The following RPGRIP1L variants were observed in gnomAD, a reference collection of about 807,000 sequenced individuals.
RPGRIP1L encodes RPGRIP1 like, also known as protein fantom.
In RPGRIP1L, 131 loss-of-function variants were observed where a neutral mutation model predicts 160.4. That is an observed-to-expected ratio of 0.82 (90% CI 0.71 to 0.94). The LOEUF is 0.94. Ranked by LOEUF, RPGRIP1L falls within the 40% of genes least tolerant of loss-of-function variation. The pLI, the probability that RPGRIP1L is intolerant of heterozygous loss-of-function variation, is 0.00. For synonymous variants in RPGRIP1L, 510 were observed against 515.8 expected (o/e 0.99, Z 0.15); for missense variants, 1,522 against 1,535.8 (o/e 0.99, Z 0.15).
rs1963408693 is a variant in RPGRIP1L, at chr16:53,602,158, A to G, written c.3866T>C (p.Ile1289Thr). 1 of 1,613,858 alleles carries G rather than the reference A, an allele frequency of 6.2e-7. No homozygotes were observed. The highest frequency in any genetic ancestry group is 8.5e-7 in the Non-Finnish European group (1 of 1,179,752). ...VFDARADGEGIGKLRVTVEAL... is the reference protein window; with the variant it reads ...VFDARADGEGTGKLRVTVEAL... ...TTCGACTGTTACCCTGAGCTTGCCAATACCTTCACCATCTGCTCGTGCATC... is the reference window on the plus strand; with the variant it reads ...TTCGACTGTTACCCTGAGCTTGCCAGTACCTTCACCATCTGCTCGTGCATC... The change falls in exon 27 of 27, where the codon ATT becomes ACT. Residue 1289 changes from isoleucine (I) to threonine (T), a missense_variant. Ile to Thr is a moderately conservative substitution (Grantham distance 89, BLOSUM62 -1). Transcript: ENST00000647211.
chr16:53,658,189 T>C (rs997757949), intron 12 of RPGRIP1L, among the ~76,000 whole-genome samples: 13 of 152,168 alleles, frequency 8.5e-5, no homozygotes, highest in Non-Finnish European at 1.9e-4. Flanking sequence ...GTAACTTTGA[T>C]GTCATTATGA....
chr16:53,653,314 C>T, intron 14 of RPGRIP1L: 1 of 1,140,614 alleles, frequency 8.8e-7, no homozygotes, highest in Non-Finnish European at 1.1e-6. Context: ...TTCCCTGTCT[C>T]TGCTCCACCC....
At chr16:53,606,512 G>T (rs1160282882) in intron 25 of RPGRIP1L, among the ~76,000 whole-genome samples, 1 of 152,130 alleles carries the variant, frequency 6.6e-6, no homozygotes, top group Non-Finnish European at 1.5e-5. Flanking sequence ...AATGCTTATA[G>T]GTAAACATGA....
chr16:53,604,434 A>G (rs573786781), intron 26 of RPGRIP1L, among the ~76,000 whole-genome samples: 1 of 152,364 alleles, frequency 6.6e-6, no homozygotes, highest in African/African-American at 2.4e-5. Flanking sequence ...TAACTTAACA[A>G]ATGGGACTAG....
At chr16:53,657,781 A>G in intron 12 of RPGRIP1L, 149 bp from the exon 13 acceptor site, 2 of 581,544 alleles carry the variant, frequency 3.4e-6, no homozygotes, top group Non-Finnish European at 6.0e-6. Flanking sequence ...CCTGATATAT[A>G]TATCAGGACT....
Position 53,602,182 on chromosome 16 carries a change from T to A in RPGRIP1L, c.3842A>T (p.Asp1281Val). ...DLIEQNIDVF[D>V]ARADGEGIGK... ...AATACCTTCACCATCTGCTCGTGCATCAAAAACTAGGGAGAAAAGAGCAGG... is the reference window on the plus strand; with the variant it reads ...AATACCTTCACCATCTGCTCGTGCAACAAAAACTAGGGAGAAAAGAGCAGG... Residue 1281 changes from aspartate (D) to valine (V), a missense_variant, in exon 27 of 27, where the codon GAT becomes GTT. Physicochemically the swap from Asp to Val is radical, Grantham distance 152. Transcript: ENST00000647211. 3.1e-6 allele frequency: 5 copies of A among 1,610,566 alleles called. No homozygotes were observed. The highest frequency in any genetic ancestry group is 2.2e-5 in the South Asian group (2 of 90,950).
intron 15 of RPGRIP1L, among the ~76,000 whole-genome samples, chr16:53,651,694 C>T (rs1304561885): frequency 6.6e-6 from 1 of 152,054 alleles, no homozygotes; most frequent in Non-Finnish European, 1.5e-5. Context: ...TGCAACCTGC[C>T]ATTTCTCCCT....
At chr16:53,666,487 GAACA>G (rs1285875197) in intron 9 of RPGRIP1L, among the ~76,000 whole-genome samples, 10 of 150,920 alleles carry the variant, frequency 6.6e-5, no homozygotes, top group East Asian at 1.9e-4. Flanking sequence ...TTAAAATAAA[GAACA>G]AATATAATTT....
chr16:53,698,248 G>T (rs1388918490), intron 2 of RPGRIP1L, among the ~76,000 whole-genome samples: 18 of 151,588 alleles, frequency 1.2e-4, no homozygotes, highest in African/African-American at 4.1e-4. Context: ...CCGCCCGGCA[G>T]CCGACCCGTC....
At position 53,656,458 on chromosome 16, in the gene RPGRIP1L, C is replaced by A. The variant is rs188075133; in HGVS notation, c.1699+14G>T. The A allele has an allele frequency of 3.7e-5, 57 of 1,538,340 alleles. 1 individual carries two copies. The Admixed American group carries it at 4.0e-4, about 11-fold the overall frequency. On this transcript the variant is annotated intron_variant, in intron 14 of 26. Transcript: ENST00000647211. The stretch of plus-strand genomic sequence containing the variant: ...CTCTAGTTACTGTGGACCAAAAAAT[C>A]GTATATGTTGTACCTTCTAGTTTAT...
At chr16:53,675,145 A>G in intron 6 of RPGRIP1L, 23 bp from the exon 7 acceptor site, 1 of 1,545,904 alleles carries the variant, frequency 6.5e-7, no homozygotes, top group South Asian at 1.1e-5. Context: ...GTTTAAGAAA[A>G]AGAGAGACAG....
intron 16 of RPGRIP1L, among the ~76,000 whole-genome samples, chr16:53,647,971 G>A (rs1966673860): frequency 6.6e-6 from 1 of 151,898 alleles, no homozygotes; most frequent in South Asian, 2.1e-4. Context: ...CGGCTGTAGT[G>A]GCAGGTGCCT....
intron 9 of RPGRIP1L, among the ~76,000 whole-genome samples, chr16:53,668,646 G>A (rs1228722602): frequency 6.6e-6 from 1 of 152,110 alleles, no homozygotes; most frequent in Non-Finnish European, 1.5e-5. Flanking sequence ...GCATTTATCA[G>A]TTACATGGCC....
chr16:53,633,512 G>A (rs1965650253), intron 22 of RPGRIP1L, among the ~76,000 whole-genome samples: 1 of 152,180 alleles, frequency 6.6e-6, no homozygotes, highest in Non-Finnish European at 1.5e-5. Context: ...AAAACGAAAT[G>A]CAATGTGTGA....
chr16:53,659,241 GA>G (rs1208584427), intron 10 of RPGRIP1L: 34 of 941,648 alleles, frequency 3.6e-5, no homozygotes, highest in East Asian at 1.1e-4. Flanking sequence ...AAAGCATGTG[GA>G]AAAAAAATTG....
chr16:53,614,550 C>A (rs1047133022), intron 24 of RPGRIP1L, among the ~76,000 whole-genome samples: 5 of 152,092 alleles, frequency 3.3e-5, no homozygotes, highest in African/African-American at 1.2e-4. Flanking sequence ...GGATCAGGAG[C>A]TAGTGAACAC....
At chr16:53,682,497 A>G (rs1219517718) in intron 6 of RPGRIP1L, among the ~76,000 whole-genome samples, 1 of 152,134 alleles carries the variant, frequency 6.6e-6, no homozygotes, top group Non-Finnish European at 1.5e-5. Context: ...TTTCCCTTTC[A>G]GTTAACACTA....
At chr16:53,655,906 C>T (rs771489846) in intron 14 of RPGRIP1L, among the ~76,000 whole-genome samples, 12 of 152,056 alleles carry the variant, frequency 7.9e-5, no homozygotes, top group Admixed American at 2.6e-4. Context: ...AGCAGGGAAG[C>T]GTGTATCTTG....
intron 17 of RPGRIP1L, 104 bp from the exon 18 acceptor site, chr16:53,641,579 C>T: frequency 2.9e-6 from 3 of 1,044,838 alleles, no homozygotes; most frequent in Non-Finnish European, 4.3e-6. Flanking sequence ...TCATGCTCTA[C>T]CATGTGAACT....
Sources: gnomAD v4.1 joint callset for allele counts (sites outside exome capture counted in the v4.1 genomes callset) on GRCh38, gnomAD v4.1.1 for gene constraint, MANE v1.5 for transcripts, NCBI Gene and HGNC (gene_info 2026-07-23, HGNC 2026-07-21) for gene names.